Variants in CIMAP3 observed in about 807,000 individuals in gnomAD.
CIMAP3 encodes the protein ciliary microtubule-associated protein 3.
At chr1:111,349,558 G>A in the CIMAP3 span, 1 of 152,466 alleles carries the variant, frequency 6.6e-6, no homozygotes, top group South Asian at 2.1e-4. Context: ...CATTAAGGAA[G>A]TAGAAGCATT....
chr1:111,351,453 CA>C, the CIMAP3 span: 1,808 of 747,174 alleles, frequency 2.4e-3, 23 homozygotes, highest in African/African-American at 0.03. Flanking sequence ...CAGGGAGGGA[CA>C]GGGGCTTATA....
chr1:111,327,046 T>C, the CIMAP3 span, among the ~76,000 whole-genome samples: 1 of 152,186 alleles, frequency 6.6e-6, no homozygotes. Flanking sequence ...AGGTTATCTC[T>C]TCACTCTATT....
chr1:111,344,059 G>C, the CIMAP3 span, among the ~76,000 whole-genome samples: 2 of 152,100 alleles, frequency 1.3e-5, no homozygotes, highest in Admixed American at 6.5e-5. Flanking sequence ...CTGTGGGTCT[G>C]TTTCTACTCT....
chr1:111,329,516 CATATATATATATATATATATAT>C, the CIMAP3 span, among the ~76,000 whole-genome samples: 14 of 106,284 alleles, frequency 1.3e-4, no homozygotes, highest in East Asian at 3.1e-4. Flanking sequence ...CACATAAACC[CATATATATATATATATATATAT>C]ATATATATAT....
At chr1:111,333,989 T>G in the CIMAP3 span, among the ~76,000 whole-genome samples, 1 of 152,212 alleles carries the variant, frequency 6.6e-6, no homozygotes, top group Non-Finnish European at 1.5e-5. Context: ...ACTATATTAG[T>G]ATAGAATTGA....
the CIMAP3 span, among the ~76,000 whole-genome samples, chr1:111,344,140 G>A: frequency 6.6e-6 from 1 of 152,142 alleles, no homozygotes; most frequent in African/African-American, 2.4e-5. Flanking sequence ...AATTAGTTGA[G>A]TCTCTGGATG....
the CIMAP3 span, among the ~76,000 whole-genome samples, chr1:111,327,709 T>A: frequency 9.2e-5 from 14 of 152,120 alleles, no homozygotes; most frequent in Non-Finnish European, 1.9e-4. Flanking sequence ...TAACATTCCC[T>A]TATCATTTCT....
At chr1:111,350,195 G>C in the CIMAP3 span, 1 of 1,613,752 alleles carries the variant, frequency 6.2e-7, no homozygotes, top group South Asian at 1.1e-5. Context: ...CAGGTTCCAT[G>C]TCTACAGAAA....
At chr1:111,331,253 C>T in the CIMAP3 span, among the ~76,000 whole-genome samples, 2 of 152,286 alleles carry the variant, frequency 1.3e-5, no homozygotes, top group East Asian at 3.9e-4. Flanking sequence ...GTCTCTTTCC[C>T]TAGACTTGGG....
chr1:111,331,775 G>A, the CIMAP3 span, among the ~76,000 whole-genome samples: 172 of 151,662 alleles, frequency 1.1e-3, 1 homozygote, highest in East Asian at 0.028. Flanking sequence ...TTGCTTTGTC[G>A]TGTTAATGTG....
the CIMAP3 span, chr1:111,324,744 T>C: frequency 1.0e-6 from 1 of 985,424 alleles, no homozygotes; most frequent in South Asian, 4.7e-5. Flanking sequence ...GATCCAGGCT[T>C]ACTGGAAGTT....
At chr1:111,335,309 T>G in the CIMAP3 span, among the ~76,000 whole-genome samples, 1 of 151,964 alleles carries the variant, frequency 6.6e-6, no homozygotes. Flanking sequence ...CCATCTGAGG[T>G]ACCGGGTTCA....
chr1:111,335,299 C>T, the CIMAP3 span, among the ~76,000 whole-genome samples: 1,254 of 152,244 alleles, frequency 8.2e-3, 8 homozygotes, highest in Non-Finnish European at 0.014. Context: ...TTCTGCATTT[C>T]CATCTGAGGT....
At chr1:111,333,895 C>T in the CIMAP3 span, among the ~76,000 whole-genome samples, 2 of 152,152 alleles carry the variant, frequency 1.3e-5, no homozygotes, top group Non-Finnish European at 1.5e-5. Flanking sequence ...CAGAAGTAGG[C>T]AATTCTGAGC....
chr1:111,337,415 G>A, the CIMAP3 span, among the ~76,000 whole-genome samples: 1 of 152,084 alleles, frequency 6.6e-6, no homozygotes, highest in Non-Finnish European at 1.5e-5. Flanking sequence ...ATTGGATAAA[G>A]AGTCAAGACC....
the CIMAP3 span, chr1:111,348,525 C>A: frequency 3.1e-6 from 5 of 1,603,410 alleles, no homozygotes; most frequent in South Asian, 3.4e-5. Context: ...GGAAATGACA[C>A]CTCATGCAGG....
At chr1:111,337,109 TGAA>T in the CIMAP3 span, among the ~76,000 whole-genome samples, 14 of 152,164 alleles carry the variant, frequency 9.2e-5, no homozygotes, top group African/African-American at 3.1e-4. Flanking sequence ...GCTTCATAAA[TGAA>T]GGAGAAATAA....
At chr1:111,334,721 A>T in the CIMAP3 span, among the ~76,000 whole-genome samples, 247 of 152,374 alleles carry the variant, frequency 1.6e-3, 1 homozygote, top group Non-Finnish European at 2.0e-3. Context: ...AAAAATTTTT[A>T]AAATGGAATT....
chr1:111,337,108 A>G, the CIMAP3 span, among the ~76,000 whole-genome samples: 774 of 151,484 alleles, frequency 5.1e-3, 5 homozygotes, highest in African/African-American at 0.018. Context: ...AGCTTCATAA[A>G]TGAAGGAGAA....
Sources: allele counts gnomAD v4.1 joint callset (sites outside exome capture counted in the v4.1 genomes callset), GRCh38; gene constraint gnomAD v4.1.1; transcripts MANE v1.5; gene names NCBI Gene and HGNC (gene_info 2026-07-23, HGNC 2026-07-21).